Variants in METTL6 observed in about 807,000 individuals in gnomAD.
METTL6 encodes the protein tRNA N(3)-cytidine methyltransferase METTL6.
Under a neutral mutation model 26.4 loss-of-function variants are expected in METTL6, and 22 were observed. The observed-to-expected ratio is 0.83, with a 90% CI of 0.59 to 1.19. METTL6 has a LOEUF of 1.19. METTL6 is among the 50% of genes most tolerant of loss of function. The pLI, the probability that METTL6 is intolerant of heterozygous loss-of-function variation, is 0.00. For missense variants in METTL6, 304 were observed against 324.8 expected, an observed-to-expected ratio of 0.94 and a Z score of 0.49; for synonymous variants, 109 against 116.2, an observed-to-expected ratio of 0.94 and a Z score of 0.40.
At chr3:15,406,581 A>T, downstream of METTL6, among the ~76,000 whole-genome samples, 1 of 114,066 alleles carries the variant, frequency 8.8e-6, no homozygotes, top group Non-Finnish European at 1.7e-5. Context: ...AAAAAAAACA[A>T]ACAGTTATAT....
rs775426863 is a variant in METTL6, at chr3:15,426,537, C to T, written c.-26G>A. On this transcript the variant is annotated 5_prime_UTR_variant, in exon 2 of 6. Coordinates refer to ENST00000383790, the MANE Select transcript of METTL6 (RefSeq NM_152396.4). ...CTCTGAAACTGACGGTAACACTTAA[C>T]ACAGCTGAAGATTCTCCATCACCAA... 12 of 1,592,342 alleles carry T rather than the reference C, an allele frequency of 7.5e-6. No individual in the cohort carries two copies. In the Admixed American group the frequency reaches 1.5e-4, roughly 20 times the overall value.
chr3:15,414,528 G>C (rs534197630), intron 4 of METTL6: 1 of 273,264 alleles, frequency 3.7e-6, no homozygotes, highest in East Asian at 1.3e-4. Flanking sequence ...GCTAATTTTT[G>C]TATTTTAGTA....
chr3:15,391,575 G>T (rs780488814), intron 6 of METTL6, among the ~76,000 whole-genome samples: 5 of 151,630 alleles, frequency 3.3e-5, no homozygotes, highest in Non-Finnish European at 7.4e-5. Flanking sequence ...ATATACATGC[G>T]CCATGTTGGT....
intron 6 of METTL6, among the ~76,000 whole-genome samples, chr3:15,391,066 G>A (rs1055464979): frequency 2.0e-5 from 3 of 152,200 alleles, no homozygotes; most frequent in Non-Finnish European, 4.4e-5. Context: ...CTCCAAAGCC[G>A]CATCATCTGA....
In METTL6 at chr3:15,414,051, C is replaced by G; in HGVS notation, c.643G>C (p.Asp215His). The G allele has an allele frequency of 6.2e-7, 1 of 1,614,180 alleles. No homozygotes were observed. The highest frequency in any genetic ancestry group is 8.5e-7 in the Non-Finnish European group (1 of 1,180,022). The change falls in exon 5 of 6, where the codon GAT (aspartate) becomes CAT (histidine). Residue 215 changes from aspartate to histidine, a missense_variant. Physicochemically the swap from Asp to His is moderately conservative, Grantham distance 81 (BLOSUM62 -1). Transcript: ENST00000383790. ...KLGENFYVRQ[D>H]GTRSYFFTDD... ...GTAAAAAAATATGATCTGGTCCCAT[C>G]TTGTCTAACATAAAAGTTTTCTCCA... is the stretch of plus-strand genomic sequence containing the variant.
chr3:15,402,756 G>GA (rs796595234), intron 6 of METTL6, among the ~76,000 whole-genome samples: 2,558 of 131,118 alleles, frequency 0.02, 59 homozygotes, highest in African/African-American at 0.066. Context: ...AAAAGAAAAA[G>GA]AAAAAAAAAA....
At chr3:15,425,197 C>T (rs758121811) in intron 2 of METTL6, 108 bp from the exon 3 acceptor site, 80 of 1,189,132 alleles carry the variant, frequency 6.7e-5, no homozygotes, top group South Asian at 2.2e-4. Flanking sequence ...ATGGAGCAGA[C>T]GATCAACAAG....
At chr3:15,427,071 G>A (rs2061741618) in intron 1 of METTL6, among the ~76,000 whole-genome samples, 1 of 152,152 alleles carries the variant, frequency 6.6e-6, no homozygotes. Flanking sequence ...TTTTTTCGGG[G>A]GAAATGAAGC....
chr3:15,415,532 C>CA lies in METTL6; in HGVS notation c.531+239dup, dbSNP rs533554631. 1,788 of 1,597,524 alleles carry CA rather than the reference C, an allele frequency of 1.1e-3. 3 individuals are homozygous for CA. The highest frequency in any genetic ancestry group is 1.4e-3 in the Non-Finnish European group (1,594 of 1,178,732). ...GGACTCCATGGATCCCAGGTAACTGCAAAATCATCCTTGTCCCAGGGCTGG... is the reference window on the plus strand; with the variant it reads ...GGACTCCATGGATCCCAGGTAACTGCAAAAATCATCCTTGTCCCAGGGCTGG... On this transcript the variant is annotated intron_variant, in intron 4 of 5. Coordinates refer to ENST00000383790, the MANE Select transcript of METTL6 (RefSeq NM_152396.4).
intron 6 of METTL6, among the ~76,000 whole-genome samples, chr3:15,398,390 CA>C (rs746792260): frequency 9.2e-5 from 14 of 152,118 alleles, no homozygotes; most frequent in Non-Finnish European, 2.9e-5. Context: ...GACAGGGTTT[CA>C]CCATGTTGGC....
At chr3:15,387,577 C>A (rs1194142736) in intron 6 of METTL6, among the ~76,000 whole-genome samples, 3 of 152,188 alleles carry the variant, frequency 2.0e-5, no homozygotes, top group Non-Finnish European at 4.4e-5. Context: ...AATCAACTCA[C>A]AAAATGCAGA....
intron 6 of METTL6, among the ~76,000 whole-genome samples, chr3:15,393,675 G>A (rs997523051): frequency 6.9e-4 from 105 of 152,204 alleles, no homozygotes; most frequent in Non-Finnish European, 1.3e-3. Flanking sequence ...CGTCCCATCA[G>A]TACCTAATTT....
intron 4 of METTL6, among the ~76,000 whole-genome samples, chr3:15,415,277 A>G (rs1700148218): frequency 6.6e-6 from 1 of 152,220 alleles, no homozygotes; most frequent in African/African-American, 2.4e-5. Context: ...TTCTCACATG[A>G]GACACGGAAA....
At chr3:15,385,583 G>A (rs545421447) in intron 6 of METTL6, among the ~76,000 whole-genome samples, 3 of 152,176 alleles carry the variant, frequency 2.0e-5, no homozygotes, top group African/African-American at 7.2e-5. Flanking sequence ...GGGTGACAGA[G>A]CAAGATTCCA....
chr3:15,404,785 T>C (rs912665650), downstream of METTL6, among the ~76,000 whole-genome samples: 2 of 152,206 alleles, frequency 1.3e-5, no homozygotes, highest in Non-Finnish European at 2.9e-5. Context: ...CCTCAAGTGA[T>C]TCTCCTGCCT....
intron 4 of METTL6, 119 bp downstream of exon 4, chr3:15,415,653 C>A: frequency 6.3e-7 from 1 of 1,594,102 alleles, no homozygotes; most frequent in African/African-American, 1.3e-5. Flanking sequence ...CACTACACAG[C>A]CTACCTAGTG....
intron 6 of METTL6, among the ~76,000 whole-genome samples, chr3:15,389,675 G>C (rs1228864984): frequency 6.6e-6 from 1 of 151,916 alleles, no homozygotes; most frequent in Non-Finnish European, 1.5e-5. Context: ...TCAGTCTCCT[G>C]AGTAGCTGGG....
At chr3:15,403,637 C>A (rs930955381) in intron 6 of METTL6, among the ~76,000 whole-genome samples, 1 of 152,162 alleles carries the variant, frequency 6.6e-6, no homozygotes, top group African/African-American at 2.4e-5. Flanking sequence ...GGAGCTGTTT[C>A]CCTACCTTCT....
At chr3:15,419,226 A>G (rs2061556293) in intron 3 of METTL6, among the ~76,000 whole-genome samples, 2 of 152,294 alleles carry the variant, frequency 1.3e-5, no homozygotes, top group Non-Finnish European at 1.5e-5. Context: ...TGAATAAACT[A>G]GAAGAAATGT....
Sources: gnomAD v4.1 joint callset for allele counts (sites outside exome capture counted in the v4.1 genomes callset) on GRCh38, gnomAD v4.1.1 for gene constraint, MANE v1.5 for transcripts, NCBI Gene and HGNC (gene_info 2026-07-23, HGNC 2026-07-21) for gene names.